The following WWOX variants were observed in gnomAD, a reference collection of about 807,000 sequenced individuals.
The protein encoded by WWOX is WW domain-containing oxidoreductase.
A neutral mutation model predicts 46.2 loss-of-function variants in WWOX; 69 were observed. That is an observed-to-expected ratio of 1.49 (90% CI 1.23 to 1.82). The LOEUF (loss-of-function observed/expected upper bound fraction) is 1.82, where lower values mean the gene tolerates loss of function less well. Ranked by LOEUF, WWOX falls within the 40% of genes most tolerant of loss-of-function variation. The pLI is 0.00. For synonymous variants in WWOX, 359 were observed against 202.6 expected (o/e 1.77, Z -6.56); for missense variants, 919 against 542.6 (o/e 1.69, Z -6.89).
intron 6 of WWOX, among the ~76,000 whole-genome samples, chr16:78,421,681 C>T (rs764862115): frequency 6.6e-6 from 1 of 152,102 alleles, no homozygotes; most frequent in African/African-American, 2.4e-5. Context: ...TGGTCTGCCC[C>T]AGATGCAGGT....
At chr16:78,172,728 G>A (rs1266811327) in intron 5 of WWOX, among the ~76,000 whole-genome samples, 1 of 152,038 alleles carries the variant, frequency 6.6e-6, no homozygotes, top group East Asian at 1.9e-4. Context: ...ATAGGTGGCT[G>A]GCTCTGAACC....
chr16:78,246,938 T>A (rs1187705163), intron 5 of WWOX, among the ~76,000 whole-genome samples: 1 of 152,180 alleles, frequency 6.6e-6, no homozygotes, highest in African/African-American at 2.4e-5. Context: ...CAAGATGTCC[T>A]GTTTCCAGTC....
chr16:78,157,673 C>G (rs2034652741), intron 4 of WWOX, among the ~76,000 whole-genome samples: 2 of 152,182 alleles, frequency 1.3e-5, no homozygotes, highest in Non-Finnish European at 2.9e-5. Context: ...TTCAGGTTGT[C>G]TCAGCAATGA....
intron 5 of WWOX, among the ~76,000 whole-genome samples, chr16:78,266,867 GCTGTGTCC>G (rs1173826255): frequency 8.1e-6 from 1 of 123,088 alleles, no homozygotes; most frequent in Non-Finnish European, 1.7e-5. Flanking sequence ...ATATGGTTTG[GCTGTGTCC>G]CCATCCAAAT....
Position 79,035,577 on chromosome 16 carries a change from C to T in WWOX, c.1057-176031C>T, listed in dbSNP as rs577060834. ...TTTTTGAGATGGAGTCTCACTCTAT[C>T]ATCCAGGCTGGAGTGTGGTAGGTGG... On this transcript the variant is annotated intron_variant, in intron 8 of 8. Coordinates refer to ENST00000566780, the MANE Select transcript of WWOX (RefSeq NM_016373.4). 5.3e-5 allele frequency among the ~76,000 whole-genome samples: 8 copies of T among 152,144 alleles called. No individual in the cohort carries two copies. In the South Asian group the frequency reaches 1.7e-3, roughly 32 times the overall value.
At chr16:78,106,048 C>A (rs536945367) in intron 1 of WWOX, among the ~76,000 whole-genome samples, 1 of 152,142 alleles carries the variant, frequency 6.6e-6, no homozygotes, top group African/African-American at 2.4e-5. Context: ...GCGATCCTCC[C>A]GCCTCGGCCT....
chr16:78,428,475 G>T (rs1053342364), intron 7 of WWOX, among the ~76,000 whole-genome samples: 7 of 152,192 alleles, frequency 4.6e-5, no homozygotes, highest in Admixed American at 4.6e-4. Context: ...CCCTTACAGG[G>T]AAGGGCTCTT....
intron 8 of WWOX, among the ~76,000 whole-genome samples, chr16:78,844,762 T>A (rs1567599566): frequency 6.6e-6 from 1 of 152,222 alleles, no homozygotes; most frequent in East Asian, 1.9e-4. Flanking sequence ...GCCATCCTCC[T>A]TTTTTAGTCT....
chr16:78,784,238 A>T (rs891889185), intron 8 of WWOX, among the ~76,000 whole-genome samples: 1 of 152,192 alleles, frequency 6.6e-6, no homozygotes, highest in Non-Finnish European at 1.5e-5. Context: ...CTCCTTTTAT[A>T]GATGAGGAAA....
At chr16:79,049,239 A>C (rs901122710) in intron 8 of WWOX, among the ~76,000 whole-genome samples, 1 of 152,242 alleles carries the variant, frequency 6.6e-6, no homozygotes, top group African/African-American at 2.4e-5. Context: ...CTGTGTGCCA[A>C]TTAAACTTTA....
At chr16:79,054,846 C>T (rs1390645642) in intron 8 of WWOX, among the ~76,000 whole-genome samples, 1 of 152,038 alleles carries the variant, frequency 6.6e-6, no homozygotes, top group Admixed American at 6.6e-5. Flanking sequence ...AAAGAAAAAT[C>T]ATAAAAGGGA....
intron 5 of WWOX, among the ~76,000 whole-genome samples, chr16:78,319,014 T>C (rs2080411518): frequency 6.6e-6 from 1 of 152,174 alleles, no homozygotes; most frequent in South Asian, 2.1e-4. Context: ...TTACTGATCC[T>C]GCGAAGTTAA....
intron 8 of WWOX, among the ~76,000 whole-genome samples, chr16:79,037,470 G>C (rs941813471): frequency 6.6e-6 from 1 of 152,122 alleles, no homozygotes; most frequent in Admixed American, 6.6e-5. Context: ...TGTGGGGTCT[G>C]TGGAAAGGAA....
At chr16:78,633,827 T>C (rs1243603703) in intron 8 of WWOX, among the ~76,000 whole-genome samples, 1 of 151,990 alleles carries the variant, frequency 6.6e-6, no homozygotes, top group Non-Finnish European at 1.5e-5. Context: ...CAAACGGGGA[T>C]TGGGACCTGT....
chr16:78,659,113 CAAAA>C (rs78729297), intron 8 of WWOX, among the ~76,000 whole-genome samples: 1 of 142,936 alleles, frequency 7.0e-6, no homozygotes, highest in Non-Finnish European at 1.5e-5. Flanking sequence ...AACAAACAAA[CAAAA>C]AAAAAACAAA....
At chr16:78,755,801 C>G (rs1166310818) in intron 8 of WWOX, among the ~76,000 whole-genome samples, 1 of 152,216 alleles carries the variant, frequency 6.6e-6, no homozygotes, top group African/African-American at 2.4e-5. Context: ...GTTCCACTCT[C>G]ACTTTCGCCA....
chr16:79,053,522 A>T (rs2150533164), intron 8 of WWOX, among the ~76,000 whole-genome samples: 1 of 152,318 alleles, frequency 6.6e-6, no homozygotes, highest in South Asian at 2.1e-4. Flanking sequence ...CTACGGCTTG[A>T]CTTTTTGCTT....
intron 8 of WWOX, among the ~76,000 whole-genome samples, chr16:78,830,876 T>C (rs7192067): frequency 0.16 from 24,866 of 152,050 alleles, 2,809 homozygotes; most frequent in African/African-American, 0.31. Context: ...GCCCCATCCT[T>C]ACCCTCTATA....
At position 78,867,216 on chromosome 16, in the gene WWOX, G is replaced by A. The variant is rs1161949957; in HGVS notation, c.1057-344392G>A. ...CTTCATGGCACACTGGTGAGTGGGG[G>A]AGTGCAAGAAGTTTAGGTGCAAAGG... On this transcript the variant is annotated intron_variant, in intron 8 of 8. Coordinates refer to ENST00000566780, the MANE Select transcript of WWOX (RefSeq NM_016373.4). 2.0e-5 allele frequency among the ~76,000 whole-genome samples: 3 copies of A among 152,182 alleles called. No individual in the cohort carries two copies. The East Asian group carries it at 5.8e-4, about 29-fold the overall frequency.
Sources: gnomAD v4.1 joint callset for allele counts (sites outside exome capture counted in the v4.1 genomes callset) on GRCh38, gnomAD v4.1.1 for gene constraint, MANE v1.5 for transcripts, NCBI Gene and HGNC (gene_info 2026-07-23, HGNC 2026-07-21) for gene names.